Variants in VAV1 observed in about 807,000 individuals in gnomAD.
VAV1 encodes the protein vav guanine nucleotide exchange factor 1, also known as proto-oncogene vav.
VAV1 carries 33 observed loss-of-function variants against 128.1 expected under a neutral mutation model. That is an observed-to-expected ratio of 0.26 (90% CI 0.20 to 0.34). The LOEUF is 0.34. VAV1 is among the 10% of genes least tolerant of loss of function. VAV1 has a pLI of 1.00. For missense variants in VAV1, 715 were observed against 1,093.7 expected (o/e 0.65, Z 4.88); for synonymous variants, 394 against 409.8 (o/e 0.96, Z 0.47).
intron 1 of VAV1, chr19:6,784,191 C>A: frequency 1.6e-6 from 1 of 624,776 alleles, no homozygotes; most frequent in Non-Finnish European, 2.9e-6. Context: ...GAGTTTGATG[C>A]TGCAGTGAGC....
chr19:6,854,070 G>C lies in VAV1; in HGVS notation c.2456G>C (p.Gly819Ala), dbSNP rs975206431. ...ATCCTTAACAAGAAGGGACAGCAAG[G>C]CTGGTGGCGAGGGGAGATCTATGGC... Reference protein sequence around the residue: ...IKILNKKGQQGWWRGEIYGRV... With the variant: ...IKILNKKGQQAWWRGEIYGRV... The change falls in exon 26 of 27, where the codon GGC becomes GCC. Residue 819 changes from glycine to alanine, a missense_variant. This residue lies in a region of VAV1 where 407 missense variants were observed against 580.6 expected (regional missense o/e 0.70). Transcript: ENST00000602142. The C allele has an allele frequency of 6.2e-7, 1 of 1,613,570 alleles. No individual in the cohort carries two copies. The highest frequency in any genetic ancestry group is 1.3e-5 in the African/African-American group (1 of 74,936).
chr19:6,801,134 G>A (rs950609591), intron 1 of VAV1, among the ~76,000 whole-genome samples: 4 of 152,200 alleles, frequency 2.6e-5, no homozygotes, highest in African/African-American at 9.6e-5. Flanking sequence ...TAAGGGCAGA[G>A]CTCTGTTTGT....
intron 1 of VAV1, among the ~76,000 whole-genome samples, chr19:6,814,663 C>CTTTCTTTCTTTCTTTCTTTCTTT (rs1568299110): frequency 7.5e-5 from 2 of 26,550 alleles, no homozygotes; most frequent in South Asian, 1.3e-3. Context: ...TTCCTTCCTT[C>CTTTCTTTCTTTCTTTCTTTCTTT]CTTCCTTCCT....
intron 1 of VAV1, among the ~76,000 whole-genome samples, chr19:6,775,160 C>T (rs1316525720): frequency 6.6e-6 from 1 of 152,102 alleles, no homozygotes; most frequent in Non-Finnish European, 1.5e-5. Flanking sequence ...CCTAAGCATC[C>T]ATCCTCTGGC....
intron 8 of VAV1, 119 bp downstream of exon 8, chr19:6,825,525 A>G (rs1482453088): frequency 1.2e-6 from 1 of 809,118 alleles, no homozygotes; most frequent in Non-Finnish European, 2.0e-6. Context: ...CTGTGTGTTC[A>G]TGGGCGAGGG....
intron 19 of VAV1, among the ~76,000 whole-genome samples, chr19:6,834,635 GTAA>G (rs1189824351): frequency 1.4e-5 from 2 of 142,958 alleles, no homozygotes; most frequent in African/African-American, 2.6e-5. Context: ...ATATAATATA[GTAA>G]TAATATATTA....
chr19:6,835,810 G>A (rs1309053110), intron 19 of VAV1: 1 of 152,158 alleles, frequency 6.6e-6, no homozygotes, highest in Non-Finnish European at 1.5e-5. Flanking sequence ...TTGGTTGCCA[G>A]TTTTTGGATA....
Position 6,808,373 on chromosome 19 carries a change from C to T in VAV1, c.205-12329C>T, listed in dbSNP as rs528361145. ...CTCCTCCCCAATAATTACCTTAGGA[C>T]AACAGGCATAAGCTTGGGTCATCCT... On this transcript the variant is annotated intron_variant, in intron 1 of 26. Coordinates refer to ENST00000602142, the MANE Select transcript of VAV1 (RefSeq NM_005428.4). Among the ~76,000 whole-genome samples, 280 of 152,160 alleles carry T rather than the reference C, an allele frequency of 1.8e-3. 1 individual carries two copies. Among genetic ancestry groups the T allele is most frequent in the Non-Finnish European group, 3.5e-3 (238 of 68,014 alleles).
chr19:6,787,784 C>T (rs907968372), intron 1 of VAV1, among the ~76,000 whole-genome samples: 3 of 151,610 alleles, frequency 2.0e-5, no homozygotes, highest in Non-Finnish European at 4.4e-5. Context: ...GTTTTAAAAA[C>T]ATTAAAACAC....
At chr19:6,800,201 A>G (rs1971235035) in intron 1 of VAV1, among the ~76,000 whole-genome samples, 4 of 152,092 alleles carry the variant, frequency 2.6e-5, no homozygotes, top group Admixed American at 2.6e-4. Context: ...TGCAAGGTAA[A>G]AAAATAATAG....
At chr19:6,824,944 G>T in intron 6 of VAV1, 109 bp from the exon 7 acceptor site, 1 of 1,153,448 alleles carries the variant, frequency 8.7e-7, no homozygotes. Context: ...TTGTGTGGAC[G>T]CGCTGCCTCT....
At chr19:6,800,190 T>C (rs765624500) in intron 1 of VAV1, among the ~76,000 whole-genome samples, 2 of 151,944 alleles carry the variant, frequency 1.3e-5, no homozygotes, top group Non-Finnish European at 2.9e-5. Flanking sequence ...TGTGCTGGAA[T>C]TGCAAGGTAA....
At chr19:6,853,594 G>T (rs1160289148) in intron 25 of VAV1, among the ~76,000 whole-genome samples, 1 of 151,762 alleles carries the variant, frequency 6.6e-6, no homozygotes, top group Non-Finnish European at 1.5e-5. Context: ...AGCCGGGCAT[G>T]GTGGCACAGG....
At position 6,832,197 on chromosome 19, in the gene VAV1, C is replaced by T; in HGVS notation, c.1505C>T (p.Ala502Val). 1.2e-6 allele frequency: 2 copies of T among 1,613,858 alleles called. No homozygotes were observed. Among genetic ancestry groups the T allele is most frequent in the Non-Finnish European group, 1.7e-6 (2 of 1,179,802 alleles). The stretch of plus-strand genomic sequence containing the variant: ...AAGTGGATGGAGCAGTTTGAGATGG[C>T]CATGTGAGTCCCCGTCTTCCTCCCT... ...KKKWMEQFEM[A>V]ISNIYPENAT... is the part of the protein sequence containing the mutation. The change falls in exon 15 of 27, where the codon GCC becomes GTC. Residue 502 changes from alanine to valine, a missense_variant. Physicochemically the swap from Ala to Val is moderately conservative, Grantham distance 64. Transcript: ENST00000602142.
intron 1 of VAV1, among the ~76,000 whole-genome samples, chr19:6,795,944 A>T: frequency 6.6e-6 from 1 of 152,018 alleles, no homozygotes; most frequent in East Asian, 1.9e-4. Flanking sequence ...CAGCCTCCCA[A>T]AGTGCTGGGA....
In VAV1 at chr19:6,820,031, A is replaced by G. The variant is rs1745874378; in HGVS notation, c.205-671A>G. Among the ~76,000 whole-genome samples the G allele has an allele frequency of 1.3e-5, 2 of 152,166 alleles. No homozygotes were observed. Among genetic ancestry groups the G allele is most frequent in the South Asian group, 4.1e-4 (2 of 4,832 alleles). On this transcript the variant is annotated intron_variant, in intron 1 of 26. Coordinates refer to ENST00000602142, the MANE Select transcript of VAV1 (RefSeq NM_005428.4). This position sits in a 1 kb window ranked among gnomAD's most constrained non-coding sequence, Gnocchi z 4.4. Reference sequence around the variant, plus strand: ...TTTGGCTCATGAAATAAAAAAGTTTAGGGATGGCCAGGCATGGTGGCTCCC... The same window carrying G: ...TTTGGCTCATGAAATAAAAAAGTTTGGGGATGGCCAGGCATGGTGGCTCCC...
intron 1 of VAV1, among the ~76,000 whole-genome samples, chr19:6,797,420 T>A (rs1971161913): frequency 6.6e-6 from 1 of 151,648 alleles, no homozygotes; most frequent in East Asian, 1.9e-4. Flanking sequence ...AGGAGCAAAA[T>A]GGCCGGGCAC....
At chr19:6,799,952 A>T (rs769820693) in intron 1 of VAV1, among the ~76,000 whole-genome samples, 5 of 151,952 alleles carry the variant, frequency 3.3e-5, no homozygotes, top group Non-Finnish European at 4.4e-5. Context: ...CTCTTGAGTA[A>T]ATGCCTGGTA....
At chr19:6,836,609 G>T in intron 20 of VAV1, 41 bp downstream of exon 20, 4 of 1,609,850 alleles carry the variant, frequency 2.5e-6, no homozygotes, top group Non-Finnish European at 3.4e-6. Flanking sequence ...TGGGACCCAA[G>T]TGTAGGGTTA....
Sources: allele counts gnomAD v4.1 joint callset (sites outside exome capture counted in the v4.1 genomes callset), GRCh38; gene constraint gnomAD v4.1.1; regional missense constraint gnomAD v4.1.1; non-coding constraint Gnocchi (gnomAD v3.1); transcripts MANE v1.5; gene names NCBI Gene and HGNC (gene_info 2026-07-23, HGNC 2026-07-21).